IL18RAP: variants seen among roughly 807,000 people sequenced by gnomAD.
The protein encoded by IL18RAP is interleukin 18 receptor accessory protein.
IL18RAP carries 37 observed loss-of-function variants against 58.1 expected under a neutral mutation model. That is an observed-to-expected ratio of 0.64 (90% CI 0.49 to 0.84). The LOEUF (loss-of-function observed/expected upper bound fraction) is 0.84. Ranked by LOEUF, IL18RAP falls within the 40% of genes least tolerant of loss-of-function variation. IL18RAP has a pLI of 0.00. For missense variants in IL18RAP, 667 were observed against 704.8 expected (o/e 0.95, Z 0.61); for synonymous variants, 268 against 257.5 (o/e 1.04, Z -0.39).
chr2:102,448,607 C>G (rs1683573161), intron 8 of IL18RAP, among the ~76,000 whole-genome samples: 1 of 152,026 alleles, frequency 6.6e-6, no homozygotes, highest in African/African-American at 2.4e-5. Flanking sequence ...AGTGCGTTCC[C>G]AAACTAGGAA....
chr2:102,422,390 C>T (rs532417524), upstream of IL18RAP, among the ~76,000 whole-genome samples: 50 of 152,320 alleles, frequency 3.3e-4, no homozygotes, highest in Non-Finnish European at 3.7e-4. Context: ...CAGGGAAGTT[C>T]ATCTGCCCTC....
Position 102,447,205 on chromosome 2 carries a change from G to T in IL18RAP, c.1208G>T (p.Gly403Val), listed in dbSNP as rs758155943. The T allele has an allele frequency of 6.2e-7, 1 of 1,612,976 alleles. No homozygotes were observed. Among genetic ancestry groups the T allele is most frequent in the Non-Finnish European group, 8.5e-7 (1 of 1,179,394 alleles). Residue 403 changes from glycine to valine, a missense_variant and splice_region_variant, in exon 8 of 10, where the codon GGG (glycine) becomes GTG (valine). Physicochemically the swap from Gly to Val is moderately radical, Grantham distance 109 (BLOSUM62 -3). Transcript: ENST00000687160. Reference protein sequence around the residue: ...RTYQSKDQTLGDKKDFDAFVS... With the variant: ...RTYQSKDQTLVDKKDFDAFVS... ...TACCAGAGCAAGGATCAGACGCTTGGGGGTAAGTTTACCTCCACATGCAGC... is the reference window on the plus strand; with the variant it reads ...TACCAGAGCAAGGATCAGACGCTTGTGGGTAAGTTTACCTCCACATGCAGC...
chr2:102,451,254 CAA>C (rs767847011), intron 9 of IL18RAP, among the ~76,000 whole-genome samples: 5 of 152,204 alleles, frequency 3.3e-5, no homozygotes, highest in African/African-American at 4.8e-5. Context: ...CCTTCTAGGA[CAA>C]AGATACCTCT....
intron 3 of IL18RAP, among the ~76,000 whole-genome samples, chr2:102,429,373 A>G (rs1214783897): frequency 6.6e-6 from 1 of 151,870 alleles, no homozygotes; most frequent in African/African-American, 2.4e-5. Flanking sequence ...TGTTCGTAGT[A>G]GTTTCTTATA....
intron 3 of IL18RAP, chr2:102,434,123 A>T (rs999204306): frequency 1.8e-4 from 28 of 152,248 alleles, no homozygotes; most frequent in African/African-American, 6.0e-4. Flanking sequence ...AGAACTCTGA[A>T]GATCTGGACA....
chr2:102,451,720 A>C lies in IL18RAP; in HGVS notation c.1385-46A>C. 4 of 1,513,644 alleles carry C rather than the reference A, an allele frequency of 2.6e-6. 1 individual carries two copies. In the South Asian group the frequency reaches 5.0e-5, roughly 19 times the overall value. 93.8% of individuals were successfully genotyped at this position (1,513,644 alleles called of 1,614,324 possible). ...CCATTGCAAGGACCTCTCTGACTCA[A>C]GGTTTAACAATATCCATTGCAAATA... On this transcript the variant is annotated intron_variant, in intron 9 of 9. Transcript: ENST00000687160.
rs1453831575 is a variant in IL18RAP, at chr2:102,452,428, A to C, written c.*247A>C. ...GTACTTTCAGTACACAACACCCCTAAGATTTCCCAGTGGTCCGAGCAGAAT... is the reference window on the plus strand; with the variant it reads ...GTACTTTCAGTACACAACACCCCTACGATTTCCCAGTGGTCCGAGCAGAAT... On this transcript the variant is annotated 3_prime_UTR_variant, in exon 10 of 10. Transcript: ENST00000687160. 1.6e-5 allele frequency: 7 copies of C among 434,434 alleles called. No homozygotes were observed. Among genetic ancestry groups the C allele is most frequent in the Non-Finnish European group, 2.8e-5 (7 of 246,176 alleles). 26.9% of individuals were successfully genotyped at this position (434,434 alleles called of 1,614,324 possible).
intron 3 of IL18RAP, among the ~76,000 whole-genome samples, chr2:102,428,549 G>A (rs935960356): frequency 7.9e-5 from 12 of 151,560 alleles, no homozygotes; most frequent in African/African-American, 9.7e-5. Flanking sequence ...ATTTTTATAC[G>A]TTGATTTTAC....
At chr2:102,441,790 A>T (rs1683119101) in intron 5 of IL18RAP, among the ~76,000 whole-genome samples, 1 of 152,112 alleles carries the variant, frequency 6.6e-6, no homozygotes, top group Non-Finnish European at 1.5e-5. Context: ...CAGGATGACA[A>T]GGCAGGAGAA....
chr2:102,443,426 C>T (rs911493068), intron 6 of IL18RAP, 103 bp downstream of exon 6: 17 of 1,296,442 alleles, frequency 1.3e-5, no homozygotes, highest in East Asian at 7.5e-5. Flanking sequence ...CCACCAGCAC[C>T]GACTAGTGGT....
Position 102,451,920 on chromosome 2 carries a change from G to A in IL18RAP, c.1539G>A (p.Lys513=), listed in dbSNP as rs754191352. Residue 513 remains lysine, a synonymous_variant, in exon 10 of 10, where the codon AAG becomes AAA. Transcript: ENST00000687160. ...AAACACTGAAACTCATTTTAATTAA[G>A]TTCTGTTACTTCCAAGAGCCAGAGT... The part of the protein sequence containing the change: ...DDQTLKLILI[K]FCYFQEPESL... 1.1e-5 allele frequency: 17 copies of A among 1,614,128 alleles called. No individual in the cohort carries two copies. Among genetic ancestry groups the A allele is most frequent in the Non-Finnish European group, 1.4e-5 (17 of 1,180,018 alleles).
chr2:102,436,396 T>C (rs1446090777), intron 3 of IL18RAP, among the ~76,000 whole-genome samples: 2 of 152,204 alleles, frequency 1.3e-5, no homozygotes, highest in East Asian at 3.8e-4. Flanking sequence ...ATCTGGTATA[T>C]ATTTAGCCTT....
intron 8 of IL18RAP, among the ~76,000 whole-genome samples, chr2:102,450,104 A>G (rs975783076): frequency 1.1e-4 from 16 of 152,190 alleles, no homozygotes; most frequent in African/African-American, 3.9e-4. Context: ...TACAAATCTG[A>G]TGTATCCCAT....
intron 8 of IL18RAP, among the ~76,000 whole-genome samples, chr2:102,449,417 A>G (rs553723417): frequency 1.1e-4 from 17 of 152,344 alleles, no homozygotes; most frequent in Admixed American, 9.1e-4. Context: ...AGGTCATAAA[A>G]TGCTATTTAC....
chr2:102,435,039 G>A (rs1682641719), intron 3 of IL18RAP: 1 of 152,132 alleles, frequency 6.6e-6, no homozygotes, highest in African/African-American at 2.4e-5. Flanking sequence ...TCAATAGAAT[G>A]TTGTTAGTTG....
In IL18RAP at chr2:102,443,188, C is replaced by T. The variant is rs749442932; in HGVS notation, c.797-12C>T. ...GCTTCCTTCTTGTTTTCTCTGGCCTCTTCATTTTCAGGAAAGCCTTTAACT... is the reference window on the plus strand; with the variant it reads ...GCTTCCTTCTTGTTTTCTCTGGCCTTTTCATTTTCAGGAAAGCCTTTAACT... On this transcript the variant is annotated splice_polypyrimidine_tract_variant and intron_variant, in intron 5 of 9. Coordinates refer to ENST00000687160, the MANE Select transcript of IL18RAP (RefSeq NM_001393487.1). 10 of 1,606,910 alleles carry T rather than the reference C, an allele frequency of 6.2e-6. No individual in the cohort carries two copies. Among genetic ancestry groups the T allele is most frequent in the Non-Finnish European group, 5.9e-6 (7 of 1,177,894 alleles).
chr2:102,438,942 C>T (rs1210132596), intron 4 of IL18RAP: 1 of 152,310 alleles, frequency 6.6e-6, no homozygotes, highest in African/African-American at 2.4e-5. Flanking sequence ...GGGAAGCCCG[C>T]TCCAAGTGAG....
chr2:102,421,821 C>A (rs1681593578), upstream of IL18RAP, among the ~76,000 whole-genome samples: 1 of 152,176 alleles, frequency 6.6e-6, no homozygotes, highest in Admixed American at 6.5e-5. Flanking sequence ...GGCAGACTTT[C>A]CTTTTCACCT....
chr2:102,419,204 T>G (rs1176698966), upstream of IL18RAP, among the ~76,000 whole-genome samples: 2 of 152,176 alleles, frequency 1.3e-5, no homozygotes, highest in Non-Finnish European at 2.9e-5. Context: ...AGCAGAGAGA[T>G]TCAAGATATT....
Sources: gnomAD v4.1 joint callset for allele counts (sites outside exome capture counted in the v4.1 genomes callset) on GRCh38, gnomAD v4.1.1 for gene constraint, MANE v1.5 for transcripts, NCBI Gene and HGNC (gene_info 2026-07-23, HGNC 2026-07-21) for gene names.